The following RBM19 variants were observed in gnomAD, a reference collection of about 807,000 sequenced individuals.
RBM19 encodes RNA binding motif protein 19.
Under a neutral mutation model 116.8 loss-of-function variants are expected in RBM19, and 94 were observed. The observed-to-expected ratio is 0.80, with a 90% CI of 0.68 to 0.95. The LOEUF (loss-of-function observed/expected upper bound fraction) is 0.95. Among genes scored for constraint, RBM19 ranks in the 40% least tolerant of loss-of-function variants. The pLI is 0.00. For missense variants in RBM19, 1,161 were observed against 1,220.7 expected (o/e 0.95, Z 0.73); for synonymous variants, 475 against 494.1 (o/e 0.96, Z 0.51).
intron 20 of RBM19, among the ~76,000 whole-genome samples, chr12:113,917,913 C>T (rs181896026): frequency 6.6e-6 from 1 of 152,330 alleles, no homozygotes; most frequent in Admixed American, 6.5e-5. Context: ...CTGCCTCCAT[C>T]TCTAACACCT....
intron 16 of RBM19, among the ~76,000 whole-genome samples, chr12:113,928,686 A>G (rs1340891547): frequency 1.4e-5 from 2 of 145,704 alleles, no homozygotes; most frequent in African/African-American, 5.1e-5. Flanking sequence ...AGTTGGGAAC[A>G]GGGAGACTAG....
intron 21 of RBM19, among the ~76,000 whole-genome samples, chr12:113,861,131 T>A (rs1019014595): frequency 2.0e-5 from 3 of 152,202 alleles, no homozygotes; most frequent in Non-Finnish European, 4.4e-5. Flanking sequence ...ATGTCTGACG[T>A]TAAGCCCAAG....
chr12:113,924,250 C>T (rs760624517), intron 18 of RBM19, among the ~76,000 whole-genome samples: 5 of 152,152 alleles, frequency 3.3e-5, no homozygotes, highest in East Asian at 1.9e-4. Flanking sequence ...CTCGGTAGAA[C>T]GTTCCAGAAG....
rs533575222 is a variant in RBM19, at chr12:113,936,911, A to G, written c.2068+96T>C. 5.4e-6 allele frequency: 8 copies of G among 1,488,066 alleles called. 1 individual carries two copies. The African/African-American group carries it at 9.9e-5, about 18-fold the overall frequency. 92.2% of individuals were successfully genotyped at this position (1,488,066 alleles called of 1,614,324 possible). A position where few individuals can be genotyped will look rare whatever the true frequency, so the allele number is the denominator to read the frequency against. On this transcript the variant is annotated intron_variant, in intron 16 of 23. Transcript: ENST00000261741. The stretch of plus-strand genomic sequence containing the variant: ...CTCTAGCATGAACAAAGAGCTTTAA[A>G]CCAGAGGCTTGATAAGAAACTTCAC...
chr12:113,905,773 G>A (rs34299860), intron 21 of RBM19, among the ~76,000 whole-genome samples: 25,785 of 152,148 alleles, frequency 0.17, 2,240 homozygotes, highest in Middle Eastern at 0.21. Flanking sequence ...ATACAAGCCA[G>A]TTTTTAAAAA....
At chr12:113,868,027 C>T (rs1878959104) in intron 21 of RBM19, among the ~76,000 whole-genome samples, 1 of 152,226 alleles carries the variant, frequency 6.6e-6, no homozygotes, top group African/African-American at 2.4e-5. Context: ...CCATCGCAGG[C>T]ACCTTCGGTA....
chr12:113,889,150 T>C (rs1017915043), intron 21 of RBM19, among the ~76,000 whole-genome samples: 3 of 152,198 alleles, frequency 2.0e-5, no homozygotes, highest in African/African-American at 7.2e-5. Flanking sequence ...CTCGGCCCCA[T>C]CTGTCCTGTG....
chr12:113,818,654 C>T (rs542306025), downstream of RBM19, among the ~76,000 whole-genome samples: 1 of 152,358 alleles, frequency 6.6e-6, no homozygotes, highest in Non-Finnish European at 1.5e-5. Context: ...CTGTTTCTGT[C>T]TTAACCAATC....
chr12:113,907,519 G>C (rs1236154264), intron 21 of RBM19, among the ~76,000 whole-genome samples: 1 of 152,256 alleles, frequency 6.6e-6, no homozygotes, highest in Admixed American at 6.5e-5. Flanking sequence ...CAGCAAAGTA[G>C]GAAGAGTGGG....
chr12:113,851,312 G>A (rs149171068), intron 22 of RBM19, among the ~76,000 whole-genome samples: 7 of 152,288 alleles, frequency 4.6e-5, no homozygotes, highest in Admixed American at 1.3e-4. Flanking sequence ...TCCCTAGCTC[G>A]CTCAGCTCAG....
Position 113,870,840 on chromosome 12 carries a change from C to T in RBM19, c.2559-11944G>A, listed in dbSNP as rs549134988. 4.1e-4 allele frequency among the ~76,000 whole-genome samples: 62 copies of T among 152,280 alleles called. 1 individual carries two copies. In the South Asian group the frequency reaches 0.012, roughly 29 times the overall value. On this transcript the variant is annotated intron_variant, in intron 21 of 23. Coordinates refer to ENST00000261741, the MANE Select transcript of RBM19 (RefSeq NM_016196.4). ...AGACATCCCAGGGAGATTTGAGATT[C>T]GTGACATAGCAGTTTGTGACTATCA...
In RBM19 at chr12:113,834,472, A is replaced by G. The variant is rs1875703646; in HGVS notation, c.2785+10196T>C. Among the ~76,000 whole-genome samples the G allele has an allele frequency of 2.6e-5, 4 of 152,200 alleles. 1 individual carries two copies. The highest frequency in any genetic ancestry group is 2.6e-4 in the Admixed American group (4 of 15,284). On this transcript the variant is annotated intron_variant, in intron 23 of 23. Transcript: ENST00000261741. ...CACTTCAGAAGCCCTAGGGGCTGCA[A>G]GGCCTTTCTTTGAAGAGCCAGAAAG...
At chr12:113,937,402 T>G (rs2135900129) in intron 15 of RBM19, 2 of 320,046 alleles carry the variant, frequency 6.2e-6, no homozygotes, top group East Asian at 1.1e-4. Context: ...AGGCCCCCTT[T>G]GTGTTTTTTC....
chr12:113,916,900 T>C (rs1218749688), intron 20 of RBM19, among the ~76,000 whole-genome samples: 1 of 152,232 alleles, frequency 6.6e-6, no homozygotes, highest in Admixed American at 6.5e-5. Context: ...AACTATGAGA[T>C]AATGTTTTCT....
intron 21 of RBM19, among the ~76,000 whole-genome samples, chr12:113,905,680 A>G (rs1881994737): frequency 6.6e-6 from 1 of 152,210 alleles, no homozygotes; most frequent in South Asian, 2.1e-4. Context: ...AGAATGGGAG[A>G]CACTGCAATC....
At chr12:113,917,964 C>T (rs1014041839) in intron 20 of RBM19, among the ~76,000 whole-genome samples, 1 of 152,210 alleles carries the variant, frequency 6.6e-6, no homozygotes, top group Non-Finnish European at 1.5e-5. Context: ...ATCGTAGGCA[C>T]TGCCATTCAG....
chr12:113,866,435 T>C (rs1878813756), intron 21 of RBM19, among the ~76,000 whole-genome samples: 1 of 152,118 alleles, frequency 6.6e-6, no homozygotes, highest in African/African-American at 2.4e-5. Context: ...AGCACTTAAA[T>C]GGTATTTCTA....
In RBM19 at chr12:113,822,425, G is replaced by A. The variant is rs1874484549; in HGVS notation, c.*799C>T. The A allele has an allele frequency of 6.6e-6, 1 of 152,212 alleles. No homozygotes were observed. The highest frequency in any genetic ancestry group is 6.5e-5 in the Admixed American group (1 of 15,288). 9.4% of individuals were successfully genotyped at this position (152,212 alleles called of 1,614,324 possible). A position where few individuals can be genotyped will look rare whatever the true frequency, so the allele number is the denominator to read the frequency against. Reference sequence around the variant, plus strand: ...GCATTTCACAGGGCTCTGGGCCCGTGAGCAGAACGCGTCCACCATGAGTGA... The same window carrying A: ...GCATTTCACAGGGCTCTGGGCCCGTAAGCAGAACGCGTCCACCATGAGTGA... On this transcript the variant is annotated 3_prime_UTR_variant, in exon 24 of 24. Transcript: ENST00000261741.
intron 2 of RBM19, among the ~76,000 whole-genome samples, chr12:113,961,360 G>A (rs1593660203): frequency 6.6e-6 from 1 of 152,050 alleles, no homozygotes; most frequent in South Asian, 2.1e-4. Flanking sequence ...TTCCAAAATA[G>A]GCTTGTTATC....
Sources: gnomAD v4.1 joint callset for allele counts (sites outside exome capture counted in the v4.1 genomes callset) on GRCh38, gnomAD v4.1.1 for gene constraint, MANE v1.5 for transcripts, NCBI Gene and HGNC (gene_info 2026-07-23, HGNC 2026-07-21) for gene names.